The following SRGAP3 variants were observed in gnomAD, a reference collection of about 807,000 sequenced individuals.
SRGAP3 encodes the protein SLIT-ROBO Rho GTPase-activating protein 3.
SRGAP3 carries 39 observed loss-of-function variants against 121.1 expected under a neutral mutation model. That is an observed-to-expected ratio of 0.32 (90% CI 0.25 to 0.42). The LOEUF (loss-of-function observed/expected upper bound fraction) is 0.42. Among genes scored for constraint, SRGAP3 ranks in the 10% least tolerant of loss-of-function variants. The pLI is 1.00. For synonymous variants in SRGAP3, 601 were observed against 570.0 expected (o/e 1.05, Z -0.77); for missense variants, 1,213 against 1,470.6 (o/e 0.82, Z 2.86).
intron 1 of SRGAP3, among the ~76,000 whole-genome samples, chr3:9,339,289 A>G (rs1955742928): frequency 6.6e-6 from 1 of 152,250 alleles, no homozygotes; most frequent in Non-Finnish European, 1.5e-5. Flanking sequence ...ACTTACGACT[A>G]TACCAAGTCT....
chr3:9,176,636 G>A lies in SRGAP3; in HGVS notation c.68-51719C>T, dbSNP rs1400730188. 3.3e-5 allele frequency among the ~76,000 whole-genome samples: 5 copies of A among 152,308 alleles called. No homozygotes were observed. The East Asian group carries it at 9.6e-4, about 29-fold the overall frequency. The stretch of plus-strand genomic sequence containing the variant: ...CTGTACAGGAAGCATGGTGGCACCT[G>A]CTTCTGGGGAGGCCTCAGGAGGCTT... On this transcript the variant is annotated intron_variant, in intron 1 of 21. Transcript: ENST00000383836.
intron 1 of SRGAP3, chr3:9,355,903 C>A (rs1013848967): frequency 6.6e-6 from 1 of 152,208 alleles, no homozygotes; most frequent in African/African-American, 2.4e-5. Flanking sequence ...AGAGAACACA[C>A]ATGAGAGGGA....
chr3:9,121,700 G>C (rs1560196897), intron 2 of SRGAP3, among the ~76,000 whole-genome samples: 2 of 152,164 alleles, frequency 1.3e-5, no homozygotes, highest in Non-Finnish European at 2.9e-5. Flanking sequence ...AAGGGAATAG[G>C]GTGCCCCCCC....
At chr3:9,047,121 C>T (rs571494272) in intron 10 of SRGAP3, among the ~76,000 whole-genome samples, 152 of 152,212 alleles carry the variant, frequency 1.0e-3, no homozygotes, top group Non-Finnish European at 1.5e-3. Context: ...CGTGAGCCAC[C>T]GTGCCCAGCC....
intron 9 of SRGAP3, chr3:9,049,297 G>T: frequency 2.4e-6 from 1 of 422,106 alleles, no homozygotes; most frequent in Middle Eastern, 3.9e-4. Context: ...CTGGTGGGAG[G>T]TTGTGGTGTC....
intron 1 of SRGAP3, among the ~76,000 whole-genome samples, chr3:9,140,661 C>T (rs1222779656): frequency 6.6e-6 from 1 of 152,212 alleles, no homozygotes; most frequent in African/African-American, 2.4e-5. Flanking sequence ...TCATAGAATA[C>T]ATATACAGAG....
chr3:9,128,631 C>CA (rs1949329689), intron 1 of SRGAP3, among the ~76,000 whole-genome samples: 1 of 151,982 alleles, frequency 6.6e-6, no homozygotes. Flanking sequence ...TTATGATCAC[C>CA]AAAAAATATA....
chr3:9,250,532 G>T (rs1953985001), upstream of SRGAP3, among the ~76,000 whole-genome samples: 1 of 152,194 alleles, frequency 6.6e-6, no homozygotes, highest in Non-Finnish European at 1.5e-5. Context: ...AATGTAAAGT[G>T]CTATGGGAAA....
chr3:9,311,771 G>A (rs974691738), intron 3 of SRGAP3, among the ~76,000 whole-genome samples: 5 of 152,134 alleles, frequency 3.3e-5, no homozygotes, highest in African/African-American at 1.2e-4. Context: ...GCTATAAAGG[G>A]TTTCCTAAAA....
At chr3:9,214,362 A>G (rs1952547731) in intron 1 of SRGAP3, among the ~76,000 whole-genome samples, 1 of 152,212 alleles carries the variant, frequency 6.6e-6, no homozygotes, top group Admixed American at 6.5e-5. Context: ...ATGAGGAAGC[A>G]GTGATTCAGA....
intron 12 of SRGAP3, among the ~76,000 whole-genome samples, chr3:9,027,445 G>T (rs184445968): frequency 6.6e-6 from 1 of 152,136 alleles, no homozygotes; most frequent in South Asian, 2.1e-4. Flanking sequence ...GGGCACACCA[G>T]GGGGGAAGCA....
intron 3 of SRGAP3, among the ~76,000 whole-genome samples, chr3:9,084,381 G>A (rs1243367129): frequency 6.6e-6 from 1 of 152,162 alleles, no homozygotes; most frequent in Non-Finnish European, 1.5e-5. Context: ...AAAGACTTCT[G>A]TGGTCAAATG....
At chr3:9,350,745 G>T (rs2125294486) in intron 1 of SRGAP3, among the ~76,000 whole-genome samples, 1 of 152,198 alleles carries the variant, frequency 6.6e-6, no homozygotes, top group Middle Eastern at 3.4e-3. Flanking sequence ...CTTTCTTCCA[G>T]CTACTCTGGT....
intron 1 of SRGAP3, among the ~76,000 whole-genome samples, chr3:9,132,107 A>C (rs1317056219): frequency 6.6e-6 from 1 of 152,130 alleles, no homozygotes; most frequent in African/African-American, 2.4e-5. Context: ...TTAATGGGCT[A>C]TTTTTAGAGC....
intron 14 of SRGAP3, among the ~76,000 whole-genome samples, chr3:9,018,616 C>T (rs989485543): frequency 2.0e-5 from 3 of 152,128 alleles, no homozygotes; most frequent in Admixed American, 6.5e-5. Context: ...AATGGGTGAA[C>T]CTTATGGTGT....
At chr3:9,104,220 T>A (rs931090769) in intron 3 of SRGAP3, among the ~76,000 whole-genome samples, 3 of 152,170 alleles carry the variant, frequency 2.0e-5, no homozygotes, top group Non-Finnish European at 2.9e-5. Flanking sequence ...TGCATTATGA[T>A]CTGATTTAGA....
chr3:9,056,274 G>A lies in SRGAP3; in HGVS notation c.1084C>T (p.Leu362=). 6.2e-7 allele frequency: 1 copy of A among 1,614,074 alleles called. No homozygotes were observed. Among genetic ancestry groups the A allele is most frequent in the Non-Finnish European group, 8.5e-7 (1 of 1,180,016 alleles). The change falls in exon 8 of 22, where the codon CTG becomes TTG. Residue 362 remains leucine, a synonymous_variant. Coordinates refer to ENST00000383836, the MANE Select transcript of SRGAP3 (RefSeq NM_014850.4). ...QTELLMRYHQ[L]QSRLATLKIE... is the part of the protein sequence containing the mutation. ...TTGAGGGTGGCCAGTCTGGACTGCA[G>A]CTGGTGATAACGCATGAGCAGTTCT...
chr3:9,230,940 G>T (rs1262997213), intron 1 of SRGAP3, among the ~76,000 whole-genome samples: 1 of 151,982 alleles, frequency 6.6e-6, no homozygotes, highest in African/African-American at 2.4e-5. Context: ...GCTGAGATCG[G>T]TCCCCTGTCT....
intron 3 of SRGAP3, among the ~76,000 whole-genome samples, chr3:9,089,135 C>T (rs959645105): frequency 1.3e-5 from 2 of 152,120 alleles, no homozygotes; most frequent in Non-Finnish European, 2.9e-5. Flanking sequence ...ACGGTCCCTG[C>T]TCTCAAGCCT....
Sources: gnomAD v4.1 joint callset for allele counts (sites outside exome capture counted in the v4.1 genomes callset) on GRCh38, gnomAD v4.1.1 for gene constraint, MANE v1.5 for transcripts, NCBI Gene and HGNC (gene_info 2026-07-23, HGNC 2026-07-21) for gene names.